Variants in GALNT18 observed in about 807,000 individuals in gnomAD.
The protein encoded by GALNT18 is GalNAc-transferase 18.
In GALNT18, 44 loss-of-function variants were observed where a neutral mutation model predicts 69.5. The observed-to-expected ratio is 0.63, with a 90% CI of 0.50 to 0.81. The LOEUF (loss-of-function observed/expected upper bound fraction) is 0.81. GALNT18 is among the 40% of genes least tolerant of loss of function. GALNT18 has a pLI of 0.00. For missense variants in GALNT18, 715 were observed against 810.0 expected (o/e 0.88, Z 1.42); for synonymous variants, 364 against 318.2 (o/e 1.14, Z -1.53).
In GALNT18 at chr11:11,421,924, G is replaced by T. The variant is rs1855015933; in HGVS notation, c.595+10697C>A. The stretch of plus-strand genomic sequence containing the variant: ...GCACAGACTTTATTTTAGCCCCTAC[G>T]TGCCCCTGGCCTGGGTGCCCTGGCA... On this transcript the variant is annotated intron_variant, in intron 3 of 10. Transcript: ENST00000227756. This position sits in a 1 kb window ranked among gnomAD's most constrained non-coding sequence, Gnocchi z 5.6. Among the ~76,000 whole-genome samples, 1 of 152,198 alleles carries T rather than the reference G, an allele frequency of 6.6e-6. No individual in the cohort carries two copies. Among genetic ancestry groups the T allele is most frequent in the African/African-American group, 2.4e-5 (1 of 41,446 alleles).
chr11:11,514,065 G>C (rs1415419036), intron 1 of GALNT18, among the ~76,000 whole-genome samples: 1 of 152,202 alleles, frequency 6.6e-6, no homozygotes, highest in Non-Finnish European at 1.5e-5. Flanking sequence ...AGAGGAGGAG[G>C]CTGGAACAGA....
intron 2 of GALNT18, among the ~76,000 whole-genome samples, chr11:11,447,381 C>T (rs1855680648): frequency 6.6e-6 from 1 of 152,216 alleles, no homozygotes. Flanking sequence ...TTCTCCATAG[C>T]ACTCACCACC....
chr11:11,292,232 A>T (rs1318027186), intron 10 of GALNT18, among the ~76,000 whole-genome samples: 1 of 152,140 alleles, frequency 6.6e-6, no homozygotes. Context: ...TCCACCTGGG[A>T]GGCAGGCATC....
chr11:11,278,916 T>G (rs1323833489), intron 10 of GALNT18, among the ~76,000 whole-genome samples: 5 of 152,270 alleles, frequency 3.3e-5, no homozygotes, highest in African/African-American at 1.2e-4. Context: ...TTATTCTGAT[T>G]TGATCATTAC....
Position 11,542,595 on chromosome 11 carries a change from A to G in GALNT18, c.235+78764T>C, listed in dbSNP as rs1456059232. Among the ~76,000 whole-genome samples, 2 of 152,238 alleles carry G rather than the reference A, an allele frequency of 1.3e-5. No individual in the cohort carries two copies. Among genetic ancestry groups the G allele is most frequent in the Non-Finnish European group, 1.5e-5 (1 of 68,042 alleles). On this transcript the variant is annotated intron_variant, in intron 1 of 10. Coordinates refer to ENST00000227756, the MANE Select transcript of GALNT18 (RefSeq NM_198516.3). The surrounding 1 kb of genome is among the most constrained non-coding windows in gnomAD (Gnocchi z 4.3). ...AAGAAGAAGGAACTAGGTGTCAAAAAGAGAATGTAGAGTAAAGAGGTCAAG... is the reference window on the plus strand; with the variant it reads ...AAGAAGAAGGAACTAGGTGTCAAAAGGAGAATGTAGAGTAAAGAGGTCAAG...
intron 1 of GALNT18, among the ~76,000 whole-genome samples, chr11:11,557,620 C>T (rs1224444866): frequency 5.9e-5 from 9 of 152,158 alleles, no homozygotes; most frequent in South Asian, 2.1e-4. Flanking sequence ...ACACACAGAA[C>T]GCTGTGTGGC....
At chr11:11,440,524 A>T (rs1855511549) in intron 2 of GALNT18, among the ~76,000 whole-genome samples, 1 of 152,200 alleles carries the variant, frequency 6.6e-6, no homozygotes, top group Non-Finnish European at 1.5e-5. Context: ...GAATGGGGCA[A>T]CTTTGCTCTC....
At chr11:11,409,737 A>G (rs180768071) in intron 3 of GALNT18, among the ~76,000 whole-genome samples, 1 of 152,218 alleles carries the variant, frequency 6.6e-6, no homozygotes, top group Admixed American at 6.5e-5. Context: ...TTGTCCCCAA[A>G]TTACTATGTG....
chr11:11,568,482 T>G (rs1190838918), intron 1 of GALNT18, among the ~76,000 whole-genome samples: 2 of 152,166 alleles, frequency 1.3e-5, no homozygotes, highest in Non-Finnish European at 2.9e-5. Flanking sequence ...AGTTCATGAC[T>G]CATCCTGCCA....
chr11:11,346,809 A>G (rs1199642876), intron 6 of GALNT18, among the ~76,000 whole-genome samples: 1 of 152,148 alleles, frequency 6.6e-6, no homozygotes, highest in African/African-American at 2.4e-5. Context: ...GCTTCTGAAG[A>G]GGCTTGAAAC....
chr11:11,617,466 G>A lies in GALNT18; in HGVS notation c.235+3893C>T, dbSNP rs1166884379. On this transcript the variant is annotated intron_variant, in intron 1 of 10. Coordinates refer to ENST00000227756, the MANE Select transcript of GALNT18 (RefSeq NM_198516.3). The surrounding 1 kb of genome is among the most constrained non-coding windows in gnomAD (Gnocchi z 4.7). The stretch of plus-strand genomic sequence containing the variant: ...AAATGTTAAACCAATAAACTATGTA[G>A]CAAATATGGAAAAAATAGTGCTTCG... Among the ~76,000 whole-genome samples the A allele has an allele frequency of 6.6e-6, 1 of 152,052 alleles. No individual in the cohort carries two copies. The highest frequency in any genetic ancestry group is 1.5e-5 in the Non-Finnish European group (1 of 68,018).
At chr11:11,326,324 G>A (rs1358055078) in intron 9 of GALNT18, among the ~76,000 whole-genome samples, 2 of 152,174 alleles carry the variant, frequency 1.3e-5, no homozygotes, top group Non-Finnish European at 2.9e-5. Context: ...GATTACAGGT[G>A]TGAGCCACCG....
chr11:11,287,303 C>T (rs530374680), intron 10 of GALNT18, among the ~76,000 whole-genome samples: 2 of 152,322 alleles, frequency 1.3e-5, no homozygotes, highest in Admixed American at 1.3e-4. Context: ...CAACAGCCTT[C>T]CTAAAGCAAG....
At chr11:11,371,578 G>A (rs1034986843) in intron 6 of GALNT18, among the ~76,000 whole-genome samples, 1 of 152,128 alleles carries the variant, frequency 6.6e-6, no homozygotes, top group Non-Finnish European at 1.5e-5. Flanking sequence ...CGGCAAGCCT[G>A]TAGAGTGTGG....
chr11:11,362,968 C>A (rs928000693), intron 6 of GALNT18, among the ~76,000 whole-genome samples: 10 of 152,196 alleles, frequency 6.6e-5, no homozygotes, highest in Non-Finnish European at 1.5e-4. Context: ...GAGTAGTATG[C>A]AACCGTAAGA....
In GALNT18 at chr11:11,465,144, G is replaced by A. The variant is rs776869686; in HGVS notation, c.236-16208C>T. ...CAGATCCCACTGGTAACCTGGGCGAGGTGCCTTGGGATGCCTGAGGAAGGT... is the reference window on the plus strand; with the variant it reads ...CAGATCCCACTGGTAACCTGGGCGAAGTGCCTTGGGATGCCTGAGGAAGGT... On this transcript the variant is annotated intron_variant, in intron 1 of 10. Coordinates refer to ENST00000227756, the MANE Select transcript of GALNT18 (RefSeq NM_198516.3). The surrounding 1 kb of genome is among the most constrained non-coding windows in gnomAD (Gnocchi z 5.7). 2.6e-5 allele frequency among the ~76,000 whole-genome samples: 4 copies of A among 152,130 alleles called. No homozygotes were observed. Among genetic ancestry groups the A allele is most frequent in the African/African-American group, 9.7e-5 (4 of 41,422 alleles).
At chr11:11,531,500 C>T (rs12417161) in intron 1 of GALNT18, among the ~76,000 whole-genome samples, 13,165 of 152,274 alleles carry the variant, frequency 0.086, 762 homozygotes, top group South Asian at 0.18. Flanking sequence ...GCTCTGTGCC[C>T]GGGAAGGAGG....
At chr11:11,458,045 G>A (rs1855961990) in intron 1 of GALNT18, among the ~76,000 whole-genome samples, 1 of 152,184 alleles carries the variant, frequency 6.6e-6, no homozygotes, top group African/African-American at 2.4e-5. Context: ...TTGGGGTGCA[G>A]ACCCAGATGG....
intron 6 of GALNT18, among the ~76,000 whole-genome samples, chr11:11,360,878 A>AT (rs1398832224): frequency 2.6e-5 from 4 of 152,212 alleles, no homozygotes; most frequent in Non-Finnish European, 4.4e-5. Flanking sequence ...TTTGTAAATA[A>AT]CAATTTCTAA....
Sources: allele counts gnomAD v4.1 joint callset (sites outside exome capture counted in the v4.1 genomes callset), GRCh38; gene constraint gnomAD v4.1.1; non-coding constraint Gnocchi (gnomAD v3.1); transcripts MANE v1.5; gene names NCBI Gene and HGNC (gene_info 2026-07-23, HGNC 2026-07-21).